Variants in ASAH1 observed in about 807,000 individuals in gnomAD.
ASAH1 encodes the protein acid ceramidase.
A neutral mutation model predicts 59.5 loss-of-function variants in ASAH1; 70 were observed. The observed-to-expected ratio is 1.18, with a 90% CI of 0.97 to 1.43. ASAH1 has a LOEUF of 1.43. Among genes scored for constraint, ASAH1 ranks in the 40% most tolerant of loss-of-function variants. The pLI is 0.00. For missense variants in ASAH1, 660 were observed against 482.5 expected, an observed-to-expected ratio of 1.37 and a Z score of -3.45; for synonymous variants, 213 against 166.5, an observed-to-expected ratio of 1.28 and a Z score of -2.15.
At chr8:18,061,656 T>C in intron 9 of ASAH1, 30 bp downstream of exon 9, 3 of 1,577,332 alleles carry the variant, frequency 1.9e-6, no homozygotes, top group Non-Finnish European at 1.7e-6. Context: ...GCTCTGAGAT[T>C]CCCATTTCAC....
At chr8:18,084,696 T>C (rs200180131), upstream of ASAH1, 1 of 1,613,724 alleles carries the variant, frequency 6.2e-7, no homozygotes, top group East Asian at 2.2e-5. Context: ...ACAGCAAAGC[T>C]GCCAAATCCC....
At chr8:18,066,581 AGAG>A (rs1490203762) in intron 5 of ASAH1, 2 of 152,140 alleles carry the variant, frequency 1.3e-5, no homozygotes, top group Non-Finnish European at 2.9e-5. Context: ...GACACTATCG[AGAG>A]GAGAATTATC....
chr8:18,069,965 G>A (rs146245415), intron 3 of ASAH1, 87 bp from the exon 4 acceptor site: 6 of 880,372 alleles, frequency 6.8e-6, no homozygotes, highest in African/African-American at 1.7e-5. Context: ...AGCTAAAAGA[G>A]AGTGCTATTT....
chr8:18,063,669 G>C (rs146660351), intron 6 of ASAH1: 46 of 169,480 alleles, frequency 2.7e-4, no homozygotes, highest in African/African-American at 1.1e-3. Context: ...ACAATAAGAA[G>C]TAAGAAACAT....
chr8:18,075,335 G>C (rs188343203), intron 2 of ASAH1, among the ~76,000 whole-genome samples: 7 of 152,230 alleles, frequency 4.6e-5, no homozygotes, highest in African/African-American at 7.2e-5. Flanking sequence ...TCTAGCGACG[G>C]GCATTTGAAT....
chr8:18,084,587 C>CGGG (rs1247877482), upstream of ASAH1: 17 of 1,581,542 alleles, frequency 1.1e-5, no homozygotes, highest in Non-Finnish European at 1.5e-5. Flanking sequence ...TCATCCCCAC[C>CGGG]GCGGAGTCAG....
At chr8:18,073,395 T>C (rs1483259673) in intron 2 of ASAH1, 4 of 1,054,008 alleles carry the variant, frequency 3.8e-6, no homozygotes, top group South Asian at 1.5e-5. Context: ...TTCATCATTT[T>C]TGAGACTTAG....
chr8:18,082,065 C>G (rs780491232), intron 1 of ASAH1, among the ~76,000 whole-genome samples: 2 of 152,220 alleles, frequency 1.3e-5, no homozygotes, highest in Admixed American at 6.5e-5. Context: ...TCCATACAAT[C>G]AGAGTAAAGA....
intron 1 of ASAH1, among the ~76,000 whole-genome samples, chr8:18,081,815 C>G (rs1479059301): frequency 6.6e-6 from 1 of 152,160 alleles, no homozygotes; most frequent in East Asian, 1.9e-4. Flanking sequence ...AGTTGAAAAA[C>G]TGCTTATTCT....
At chr8:18,084,563 ATGAGT>A (rs1197578907), upstream of ASAH1, 23 of 1,532,372 alleles carry the variant, frequency 1.5e-5, no homozygotes, top group South Asian at 1.4e-4. Flanking sequence ...GCGGCCCGAA[ATGAGT>A]TGAGTTATTC....
chr8:18,067,125 A>ATACAGCACCTGTGCTGTATATCTAAGACT, intron 5 of ASAH1, 95 bp downstream of exon 5: 1 of 567,508 alleles, frequency 1.8e-6, no homozygotes, highest in Non-Finnish European at 2.4e-6. Flanking sequence ...TATCTAAGAC[A>ATACAGCACCTGTGCTGTATATCTAAGACT]TACAGCACCT....
intron 10 of ASAH1, 132 bp downstream of exon 10, chr8:18,061,245 T>A: frequency 2.8e-6 from 2 of 719,290 alleles, no homozygotes; most frequent in Non-Finnish European, 4.7e-6. Flanking sequence ...TCCACATGAG[T>A]GTCAGAGGTT....
intron 1 of ASAH1, among the ~76,000 whole-genome samples, chr8:18,079,929 C>T (rs1800582867): frequency 6.6e-6 from 1 of 152,164 alleles, no homozygotes; most frequent in South Asian, 2.1e-4. Context: ...TATTAAGCTA[C>T]TGATATTTAG....
chr8:18,059,761 T>C, intron 10 of ASAH1, 58 bp from the exon 11 acceptor site: 1 of 1,466,608 alleles, frequency 6.8e-7, no homozygotes, highest in Non-Finnish European at 9.3e-7. Flanking sequence ...AGTAAATAAC[T>C]TCATTTATTT....
At chr8:18,084,199 G>C (rs1334867671), upstream of ASAH1, 2 of 1,524,068 alleles carry the variant, frequency 1.3e-6, no homozygotes, top group African/African-American at 2.8e-5. Flanking sequence ...GGAACGCTCG[G>C]AGGAGGCGGG....
In ASAH1 at chr8:18,059,438, T is replaced by C. The variant is rs2117017895; in HGVS notation, c.944A>G (p.Tyr315Cys). ...YELDAKQGRW[Y>C]VVQTNYDRWK... ...ACGGTCATAATTTGTTTGTACCACA[T>C]ACCATCTACCCTGCTTAGCATCGAG... The change falls in exon 12 of 14, where the codon TAT (tyrosine) becomes TGT (cysteine). Residue 315 changes from tyrosine to cysteine, a missense_variant. Coordinates refer to ENST00000637790, the MANE Select transcript of ASAH1 (RefSeq NM_177924.5). 6.2e-7 allele frequency: 1 copy of C among 1,614,220 alleles called. No homozygotes were observed. Among genetic ancestry groups the C allele is most frequent in the Non-Finnish European group, 8.5e-7 (1 of 1,180,042 alleles).
chr8:18,069,786 T>A lies in ASAH1; in HGVS notation c.303+6A>T. 1 of 1,540,556 alleles carries A rather than the reference T, an allele frequency of 6.5e-7. No homozygotes were observed. The highest frequency in any genetic ancestry group is 9.0e-7 in the Non-Finnish European group (1 of 1,114,434). ...AACATTTATTGTGAGAAATAATATC[T>A]CTTACCAATTTTTCATCCACCACCT... On this transcript the variant is annotated splice_donor_region_variant and intron_variant, in intron 4 of 13. Coordinates refer to ENST00000637790, the MANE Select transcript of ASAH1 (RefSeq NM_177924.5).
intron 10 of ASAH1, 103 bp downstream of exon 10, chr8:18,061,274 A>G: frequency 9.7e-7 from 1 of 1,030,692 alleles, no homozygotes; most frequent in Non-Finnish European, 1.4e-6. Context: ...AAATTCTGCA[A>G]TAGTTCCTCA....
At chr8:18,084,777 C>T (rs1391244323), upstream of ASAH1, 6 of 1,613,704 alleles carry the variant, frequency 3.7e-6, no homozygotes, top group Admixed American at 6.7e-5. Flanking sequence ...CGAGCTTTCT[C>T]TCCCAGCCCG....
Sources: gnomAD v4.1 joint callset for allele counts (sites outside exome capture counted in the v4.1 genomes callset) on GRCh38, gnomAD v4.1.1 for gene constraint, MANE v1.5 for transcripts, NCBI Gene and HGNC (gene_info 2026-07-23, HGNC 2026-07-21) for gene names.